Variants in MIPEP observed in about 807,000 individuals in gnomAD.
The protein encoded by MIPEP is mitochondrial intermediate peptidase.
Under a neutral mutation model 90.3 loss-of-function variants are expected in MIPEP, and 79 were observed. The ratio of observed to expected loss-of-function variants is 0.87; its 90% CI spans 0.73 to 1.05. The LOEUF is 1.05. MIPEP is among the 50% of genes least tolerant of loss of function. The probability of loss-of-function intolerance (pLI) is 0.00; values close to 1 mark genes in which losing one functional copy is unlikely to be tolerated. For synonymous variants in MIPEP, 334 were observed against 315.8 expected, an observed-to-expected ratio of 1.06 and a Z score of -0.61; for missense variants, 940 against 905.6, an observed-to-expected ratio of 1.04 and a Z score of -0.49.
chr13:23,773,996 C>T (rs779332411), intron 16 of MIPEP, among the ~76,000 whole-genome samples: 13 of 152,264 alleles, frequency 8.5e-5, no homozygotes, highest in South Asian at 4.1e-4. Flanking sequence ...AAGCCATTGC[C>T]TAATCCAAGG....
intron 18 of MIPEP, among the ~76,000 whole-genome samples, chr13:23,730,658 C>T (rs1952194769): frequency 6.6e-6 from 1 of 152,158 alleles, no homozygotes; most frequent in African/African-American, 2.4e-5. Context: ...ACTATCAAAT[C>T]CATCCTTAGC....
At chr13:23,797,179 C>T (rs534702099) in intron 16 of MIPEP, among the ~76,000 whole-genome samples, 8 of 152,146 alleles carry the variant, frequency 5.3e-5, no homozygotes, top group Non-Finnish European at 1.2e-4. Flanking sequence ...GACGGACACA[C>T]CTCTGGGTAA....
intron 16 of MIPEP, among the ~76,000 whole-genome samples, chr13:23,764,659 A>C (rs1031469941): frequency 6.6e-6 from 1 of 152,150 alleles, no homozygotes; most frequent in African/African-American, 2.4e-5. Flanking sequence ...CCTGGGCTCA[A>C]GTAGCCTCAG....
Position 23,730,444 on chromosome 13 carries a change from A to G in MIPEP, c.2046T>C (p.Gly682=), listed in dbSNP as rs931788727. The G allele has an allele frequency of 6.2e-6, 10 of 1,607,752 alleles. No individual in the cohort carries two copies. Among genetic ancestry groups the G allele is most frequent in the Non-Finnish European group, 8.5e-7 (1 of 1,175,498 alleles). ...GGREPMLMVE[G]MLQKCPSVDD... is the part of the protein sequence containing the mutation. ...CAACAGAAGGACACTTCTGAAGCAT[A>G]CCTGCAAACAAAGGAAAGGTCAGAA... is the stretch of plus-strand genomic sequence containing the variant. The change falls in exon 19 of 19, where the codon GGT becomes GGC. Residue 682 remains glycine (G), a splice_region_variant and synonymous_variant. Coordinates refer to ENST00000382172, the MANE Select transcript of MIPEP (RefSeq NM_005932.4).
At chr13:23,797,447 C>T (rs1050586777) in intron 16 of MIPEP, among the ~76,000 whole-genome samples, 12 of 152,192 alleles carry the variant, frequency 7.9e-5, no homozygotes, top group Non-Finnish European at 1.8e-4. Context: ...TACTCTGTTT[C>T]TGAACGTCAT....
Position 23,889,185 on chromosome 13 carries a change from C to T in MIPEP, c.136G>A (p.Ala46Thr). 6.8e-7 allele frequency: 1 copy of T among 1,466,334 alleles called. No homozygotes were observed. The highest frequency in any genetic ancestry group is 9.0e-7 in the Non-Finnish European group (1 of 1,110,690). The allele number at this position is 1,466,334 out of a possible 1,614,324, so 90.8% of individuals were successfully genotyped here. A position where few individuals can be genotyped will look rare whatever the true frequency, so the allele number is the denominator to read the frequency against. ...CTGCCCTGGGGCTTGACATTGAAGG[C>T]GGCGCCCACGGGAGACCAGCTGGTG... ...VSTSWSPVGA[A>T]FNVKPQGSRL... is the part of the protein sequence containing the mutation. Residue 46 changes from alanine to threonine, a missense_variant, in exon 1 of 19, where the codon GCC becomes ACC. Ala to Thr is a moderately conservative substitution (Grantham distance 58). Transcript: ENST00000382172.
intron 10 of MIPEP, among the ~76,000 whole-genome samples, chr13:23,850,771 G>T (rs1406698328): frequency 6.6e-6 from 1 of 152,244 alleles, no homozygotes; most frequent in Non-Finnish European, 1.5e-5. Flanking sequence ...AGCTTAAGCT[G>T]TATCAAAATG....
chr13:23,859,210 A>G (rs1432815887), intron 9 of MIPEP, among the ~76,000 whole-genome samples: 3 of 152,256 alleles, frequency 2.0e-5, no homozygotes, highest in African/African-American at 4.8e-5. Flanking sequence ...GAATTATATT[A>G]GCCATAATGA....
intron 18 of MIPEP, among the ~76,000 whole-genome samples, chr13:23,733,378 G>A (rs1952225923): frequency 6.6e-6 from 1 of 152,160 alleles, no homozygotes; most frequent in Non-Finnish European, 1.5e-5. Context: ...GGTAGAGTAA[G>A]GCTGGAAGAG....
At chr13:23,738,579 C>T (rs1394475543) in intron 18 of MIPEP, among the ~76,000 whole-genome samples, 2 of 151,318 alleles carry the variant, frequency 1.3e-5, no homozygotes, top group East Asian at 3.9e-4. Flanking sequence ...CCTTCCTCAG[C>T]TGGGACTATA....
intron 14 of MIPEP, among the ~76,000 whole-genome samples, chr13:23,810,293 T>C (rs1191742737): frequency 6.6e-6 from 1 of 152,204 alleles, no homozygotes. Context: ...GTGCATATAA[T>C]CACTGACAAT....
At chr13:23,811,237 C>A (rs1309384905) in intron 14 of MIPEP, among the ~76,000 whole-genome samples, 1 of 152,032 alleles carries the variant, frequency 6.6e-6, no homozygotes, top group Non-Finnish European at 1.5e-5. Context: ...TCATGCTTCA[C>A]CAAGTTTTAA....
intron 10 of MIPEP, among the ~76,000 whole-genome samples, chr13:23,854,445 AAGTCCTTCTGTG>A (rs1869961913): frequency 6.6e-6 from 1 of 152,130 alleles, no homozygotes; most frequent in South Asian, 2.1e-4. Flanking sequence ...ATCAAAAAAA[AAGTCCTTCTGTG>A]AGAGCCCATT....
chr13:23,805,261 C>T (rs1953094706), intron 16 of MIPEP, among the ~76,000 whole-genome samples: 1 of 152,152 alleles, frequency 6.6e-6, no homozygotes, highest in African/African-American at 2.4e-5. Flanking sequence ...CTCAACTGCT[C>T]CTTACACGAG....
intron 16 of MIPEP, among the ~76,000 whole-genome samples, chr13:23,784,536 A>T (rs28820053): frequency 0.49 from 74,521 of 151,720 alleles, 19,394 homozygotes; most frequent in South Asian, 0.65. Flanking sequence ...ATAAAAACCC[A>T]AGAAGAAAAC....
intron 16 of MIPEP, among the ~76,000 whole-genome samples, chr13:23,784,962 C>T (rs945864381): frequency 6.6e-5 from 10 of 152,052 alleles, no homozygotes; most frequent in South Asian, 4.1e-4. Flanking sequence ...CCAGTTAGAA[C>T]GGCGATCATT....
chr13:23,779,020 C>T lies in MIPEP; in HGVS notation c.1849-18803G>A, dbSNP rs182768211. 1.1e-3 allele frequency among the ~76,000 whole-genome samples: 169 copies of T among 152,312 alleles called. 1 individual carries two copies. The highest frequency in any genetic ancestry group is 3.9e-3 in the African/African-American group (163 of 41,568). On this transcript the variant is annotated intron_variant, in intron 16 of 18. Coordinates refer to ENST00000382172, the MANE Select transcript of MIPEP (RefSeq NM_005932.4). ...TGTTTCCACACATAACTTTCTCAATCCTTTCTTGTTAATTTGAATATGCCC... is the reference window on the plus strand; with the variant it reads ...TGTTTCCACACATAACTTTCTCAATTCTTTCTTGTTAATTTGAATATGCCC...
intron 16 of MIPEP, among the ~76,000 whole-genome samples, 165 bp downstream of exon 16, chr13:23,805,785 T>C (rs1953100260): frequency 6.6e-6 from 1 of 152,158 alleles, no homozygotes. Context: ...AAATGGGTAG[T>C]TGGAAATATT....
At chr13:23,868,998 T>A (rs938445946) in intron 7 of MIPEP, among the ~76,000 whole-genome samples, 1 of 152,188 alleles carries the variant, frequency 6.6e-6, no homozygotes, top group South Asian at 2.1e-4. Context: ...TTTGTCAAAT[T>A]CAGCACAGAA....
Sources: allele counts gnomAD v4.1 joint callset (sites outside exome capture counted in the v4.1 genomes callset), GRCh38; gene constraint gnomAD v4.1.1; transcripts MANE v1.5; gene names NCBI Gene and HGNC (gene_info 2026-07-23, HGNC 2026-07-21).